Variants in ROPN1L observed in about 807,000 individuals in gnomAD.
ROPN1L encodes the protein rhophilin associated tail protein 1 like.
Under a neutral mutation model 22.7 loss-of-function variants are expected in ROPN1L, and 23 were observed. The ratio of observed to expected loss-of-function variants is 1.01; its 90% CI spans 0.73 to 1.43. ROPN1L has a LOEUF of 1.43. ROPN1L is among the 40% of genes most tolerant of loss of function. ROPN1L has a pLI of 0.00. For synonymous variants in ROPN1L, 116 were observed against 117.8 expected (o/e 0.98, Z 0.10); for missense variants, 271 against 291.5 (o/e 0.93, Z 0.51).
chr5:10,443,608 G>A (rs1313731858), intron 1 of ROPN1L, among the ~76,000 whole-genome samples: 1 of 149,624 alleles, frequency 6.7e-6, no homozygotes. Context: ...CGGCCCGGGC[G>A]ACAGAGCGAG....
chr5:10,444,972 G>T (rs986543803), intron 1 of ROPN1L, among the ~76,000 whole-genome samples: 5 of 152,020 alleles, frequency 3.3e-5, no homozygotes, highest in Non-Finnish European at 7.4e-5. Context: ...TCTCTCAAGA[G>T]CCATTTATTT....
intron 3 of ROPN1L, among the ~76,000 whole-genome samples, chr5:10,455,846 T>TTTAAAAACCAGTGCTGGGTCAGAGGCTG (rs1741404692): frequency 6.6e-6 from 1 of 152,172 alleles, no homozygotes; most frequent in South Asian, 2.1e-4. Context: ...GTCAGAGGCT[T>TTTAAAAACCAGTGCTGGGTCAGAGGCTG]TTAAAAACCA....
the ROPN1L span, among the ~76,000 whole-genome samples, chr5:10,478,828 C>T: frequency 6.6e-6 from 1 of 152,066 alleles, no homozygotes; most frequent in Non-Finnish European, 1.5e-5. Flanking sequence ...AAAAGAAGTG[C>T]TAATTGGAGA....
chr5:10,476,938 C>T (rs1360429993), downstream of ROPN1L, among the ~76,000 whole-genome samples: 1 of 152,232 alleles, frequency 6.6e-6, no homozygotes, highest in East Asian at 1.9e-4. Context: ...TCGAGTCTAT[C>T]AGAGACCTGC....
At chr5:10,462,902 C>CAATAATAAT (rs35234246) in intron 4 of ROPN1L, among the ~76,000 whole-genome samples, 4 of 150,270 alleles carry the variant, frequency 2.7e-5, no homozygotes, top group Non-Finnish European at 4.4e-5. Flanking sequence ...ATAATAACAA[C>CAATAATAAT]AATAATAATA....
At chr5:10,443,688 A>G (rs1396704217) in intron 1 of ROPN1L, among the ~76,000 whole-genome samples, 1 of 151,522 alleles carries the variant, frequency 6.6e-6, no homozygotes, top group Non-Finnish European at 1.5e-5. Flanking sequence ...AGTCCAAATT[A>G]GTTTCACTAG....
chr5:10,446,743 A>G (rs1438514958), intron 1 of ROPN1L, among the ~76,000 whole-genome samples: 1 of 151,632 alleles, frequency 6.6e-6, no homozygotes. Context: ...GAGGAGGAGC[A>G]TTATCCCCCA....
chr5:10,460,097 C>T (rs115154124), intron 3 of ROPN1L, among the ~76,000 whole-genome samples: 1,981 of 152,212 alleles, frequency 0.013, 37 homozygotes, highest in African/African-American at 0.044. Context: ...GTCCCATAGG[C>T]CAGCTGCGGA....
intron 1 of ROPN1L, among the ~76,000 whole-genome samples, chr5:10,443,880 C>G (rs949842970): frequency 6.6e-6 from 1 of 152,154 alleles, no homozygotes; most frequent in African/African-American, 2.4e-5. Flanking sequence ...CTTCCAAGGA[C>G]ACTGGTGATT....
chr5:10,476,551 T>C (rs1735320237), downstream of ROPN1L, among the ~76,000 whole-genome samples: 1 of 152,226 alleles, frequency 6.6e-6, no homozygotes, highest in Non-Finnish European at 1.5e-5. Flanking sequence ...CTAAGGTTTC[T>C]GGATCTGTTT....
chr5:10,453,439 G>A (rs955492013), intron 3 of ROPN1L, among the ~76,000 whole-genome samples: 6 of 152,256 alleles, frequency 3.9e-5, no homozygotes, highest in Admixed American at 2.6e-4. Context: ...ACACAAAGCT[G>A]TGAATTCAAG....
chr5:10,451,193 C>T (rs145966727), intron 3 of ROPN1L, among the ~76,000 whole-genome samples: 1,787 of 152,350 alleles, frequency 0.012, 12 homozygotes, highest in South Asian at 0.051. Flanking sequence ...CTTCACAGCC[C>T]TCACTCAGCT....
At chr5:10,442,857 C>T (rs968474772) in intron 1 of ROPN1L, among the ~76,000 whole-genome samples, 1 of 152,216 alleles carries the variant, frequency 6.6e-6, no homozygotes, top group South Asian at 2.1e-4. Flanking sequence ...TTGCCACAAA[C>T]ATTCCAACAC....
chr5:10,478,996 A>T, the ROPN1L span, among the ~76,000 whole-genome samples: 15 of 152,302 alleles, frequency 9.8e-5, no homozygotes, highest in African/African-American at 3.6e-4. Flanking sequence ...ACACAGAAGG[A>T]TTAGGAAGAT....
chr5:10,475,056 G>C (rs1446226361), downstream of ROPN1L, among the ~76,000 whole-genome samples: 1 of 152,234 alleles, frequency 6.6e-6, no homozygotes, highest in African/African-American at 2.4e-5. Flanking sequence ...GGTGTGGCCA[G>C]CAGCTCCCTT....
chr5:10,443,711 G>A (rs1740964255), intron 1 of ROPN1L, among the ~76,000 whole-genome samples: 2 of 151,940 alleles, frequency 1.3e-5, no homozygotes, highest in African/African-American at 4.8e-5. Flanking sequence ...TAAAATCAAG[G>A]TGTTGACAGG....
chr5:10,442,689 A>C (rs1330847159), intron 1 of ROPN1L, among the ~76,000 whole-genome samples: 1 of 152,264 alleles, frequency 6.6e-6, no homozygotes, highest in Non-Finnish European at 1.5e-5. Context: ...GGAATATTTT[A>C]GCTAAGTTCC....
chr5:10,462,071 C>A (rs771758688), intron 4 of ROPN1L, among the ~76,000 whole-genome samples: 5 of 152,160 alleles, frequency 3.3e-5, no homozygotes, highest in African/African-American at 4.8e-5. Flanking sequence ...ATAGTGATCA[C>A]CTAAGCCATC....
At chr5:10,459,089 T>C (rs1342510519) in intron 3 of ROPN1L, among the ~76,000 whole-genome samples, 1 of 151,080 alleles carries the variant, frequency 6.6e-6, no homozygotes, top group Non-Finnish European at 1.5e-5. Flanking sequence ...GACATGTCAG[T>C]GGAAGCCACC....
Sources: gnomAD v4.1 joint callset for allele counts (sites outside exome capture counted in the v4.1 genomes callset) on GRCh38, gnomAD v4.1.1 for gene constraint, MANE v1.5 for transcripts, NCBI Gene and HGNC (gene_info 2026-07-23, HGNC 2026-07-21) for gene names.